The following LCLAT1 variants were observed in gnomAD, a reference collection of about 807,000 sequenced individuals.
LCLAT1 encodes the protein 1-AGP acyltransferase 8.
LCLAT1 carries 11 observed loss-of-function variants against 30.7 expected under a neutral mutation model. The ratio of observed to expected loss-of-function variants is 0.36; its 90% CI spans 0.23 to 0.59. The LOEUF (loss-of-function observed/expected upper bound fraction) is 0.59, where lower values mean the gene tolerates loss of function less well. Among genes scored for constraint, LCLAT1 ranks in the 20% least tolerant of loss-of-function variants. The pLI is 0.77. For synonymous variants in LCLAT1, 155 were observed against 151.3 expected (o/e 1.02, Z -0.18); for missense variants, 402 against 458.6 (o/e 0.88, Z 1.13).
At chr2:30,543,634 G>T (rs1160662444) in intron 3 of LCLAT1, among the ~76,000 whole-genome samples, 1 of 152,006 alleles carries the variant, frequency 6.6e-6, no homozygotes, top group Non-Finnish European at 1.5e-5. Context: ...TAGTTCATCT[G>T]TTTCTTGTAA....
At chr2:30,582,487 T>A (rs898897065) in intron 5 of LCLAT1, among the ~76,000 whole-genome samples, 2 of 152,206 alleles carry the variant, frequency 1.3e-5, no homozygotes, top group African/African-American at 4.8e-5. Context: ...GTATTTGGCT[T>A]ATTTGCTCTC....
chr2:30,459,748 C>G (rs1259875401), intron 1 of LCLAT1: 2 of 1,515,106 alleles, frequency 1.3e-6, no homozygotes, highest in Non-Finnish European at 1.8e-6. Flanking sequence ...GATTTAGATG[C>G]TTGAGGTTTT....
intron 1 of LCLAT1, among the ~76,000 whole-genome samples, chr2:30,500,160 T>C (rs2148340913): frequency 6.6e-6 from 1 of 152,344 alleles, no homozygotes; most frequent in East Asian, 1.9e-4. Flanking sequence ...GAATAAAAAA[T>C]TATTTGATTC....
At position 30,640,330 on chromosome 2, in the gene LCLAT1, A is replaced by T. The variant is rs1228533281; in HGVS notation, c.842A>T (p.Tyr281Phe). 1 of 1,614,202 alleles carries T rather than the reference A, an allele frequency of 6.2e-7. No individual in the cohort carries two copies. Among genetic ancestry groups the T allele is most frequent in the East Asian group, 2.2e-5 (1 of 44,888 alleles). Reference sequence around the variant, plus strand: ...AAAGAAGAGAGGCTGCGTTCCTTCTATCAAGGGGAGAAGAATTTTTATTTT... The same window carrying T: ...AAAGAAGAGAGGCTGCGTTCCTTCTTTCAAGGGGAGAAGAATTTTTATTTT... The part of the protein sequence containing the change: ...EEKEERLRSF[Y>F]QGEKNFYFTG... Residue 281 changes from tyrosine to phenylalanine, a missense_variant, in exon 6 of 6, where the codon TAT becomes TTT. Physicochemically the swap from Tyr to Phe is conservative, Grantham distance 22. Transcript: ENST00000379509.
chr2:30,483,097 A>G (rs2148313789), intron 1 of LCLAT1, among the ~76,000 whole-genome samples: 1 of 152,322 alleles, frequency 6.6e-6, no homozygotes, highest in East Asian at 1.9e-4. Flanking sequence ...ATATTGCTTC[A>G]TTAGTTGTGA....
intron 5 of LCLAT1, among the ~76,000 whole-genome samples, chr2:30,609,542 C>T (rs1478194628): frequency 1.3e-5 from 2 of 152,112 alleles, no homozygotes; most frequent in African/African-American, 2.4e-5. Context: ...TATTCTGATA[C>T]TTGTTTTTCC....
intron 1 of LCLAT1, among the ~76,000 whole-genome samples, chr2:30,490,611 T>C (rs1047021045): frequency 5.3e-5 from 8 of 152,234 alleles, no homozygotes; most frequent in Non-Finnish European, 1.2e-4. Flanking sequence ...GGTTTCTTCA[T>C]CTGTAAAGTA....
intron 2 of LCLAT1, among the ~76,000 whole-genome samples, chr2:30,527,058 A>G (rs1280136427): frequency 2.6e-5 from 4 of 152,200 alleles, no homozygotes; most frequent in African/African-American, 7.2e-5. Context: ...CTATATACAT[A>G]TATTAAGTAA....
intron 3 of LCLAT1, among the ~76,000 whole-genome samples, chr2:30,549,078 G>A (rs943232313): frequency 1.3e-5 from 2 of 152,156 alleles, no homozygotes; most frequent in Admixed American, 1.3e-4. Context: ...TTTTAGGATG[G>A]CATTGAAATC....
intron 1 of LCLAT1, among the ~76,000 whole-genome samples, chr2:30,494,575 C>G (rs1189490654): frequency 6.9e-6 from 1 of 144,976 alleles, no homozygotes; most frequent in Non-Finnish European, 1.5e-5. Context: ...TACACACATG[C>G]ATACGTGCAT....
chr2:30,623,046 A>AT lies in LCLAT1; in HGVS notation c.629-17046dup, dbSNP rs34283582. 5.5e-3 allele frequency among the ~76,000 whole-genome samples: 459 copies of AT among 83,204 alleles called. 10 individuals are homozygous for AT. Among genetic ancestry groups the AT allele is most frequent in the South Asian group, 0.024 (60 of 2,530 alleles). 54.6% of individuals were successfully genotyped at this position (83,204 alleles called of 152,430 possible). On this transcript the variant is annotated intron_variant, in intron 5 of 5. Coordinates refer to ENST00000379509, the MANE Select transcript of LCLAT1 (RefSeq NM_001002257.3). ...AGAAAGGTGAATACCAATTCAAAGAATTTTTTTTTTTTTTTTTTTTTTTTT... is the reference window on the plus strand; with the variant it reads ...AGAAAGGTGAATACCAATTCAAAGAATTTTTTTTTTTTTTTTTTTTTTTTTT...
At chr2:30,513,888 G>A (rs1685056952) in intron 1 of LCLAT1, among the ~76,000 whole-genome samples, 1 of 152,238 alleles carries the variant, frequency 6.6e-6, no homozygotes, top group South Asian at 2.1e-4. Context: ...GTTGATTGAT[G>A]TCTCATGTCT....
rs559029724 is a variant in LCLAT1 at position 30,566,619 on chromosome 2, C to A, written c.512-1441C>A. Among the ~76,000 whole-genome samples the A allele has an allele frequency of 2.0e-5, 3 of 152,118 alleles. No homozygotes were observed. In the East Asian group the frequency reaches 5.8e-4, roughly 29 times the overall value. On this transcript the variant is annotated intron_variant, in intron 4 of 5. Coordinates refer to ENST00000379509, the MANE Select transcript of LCLAT1 (RefSeq NM_001002257.3). ...AAATTTACTCCTAGTAAAGTTGTGT[C>A]GATATAGATATTTTTCTTGTGACTT...
chr2:30,502,196 G>T (rs943706171), intron 1 of LCLAT1, among the ~76,000 whole-genome samples: 4 of 151,940 alleles, frequency 2.6e-5, no homozygotes, highest in African/African-American at 7.3e-5. Context: ...CTAGTTTTTG[G>T]TCCCCTTTTG....
chr2:30,560,285 TGTGTG>T (rs1665141093), intron 3 of LCLAT1, among the ~76,000 whole-genome samples: 1 of 31,342 alleles, frequency 3.2e-5, no homozygotes, highest in Non-Finnish European at 5.8e-5. Flanking sequence ...TAAAGTGTGG[TGTGTG>T]TGTGTGTGTG....
In LCLAT1 at chr2:30,470,266, A is replaced by G. The variant is rs1682708147; in HGVS notation, c.-5+22883A>G. On this transcript the variant is annotated intron_variant, in intron 1 of 5. Transcript: ENST00000379509. ...ATCTATTGGGGTAATCGGGGAAGTT[A>G]CAAGTCTTATGACCACTGGCTAGTG... 3.3e-5 allele frequency among the ~76,000 whole-genome samples: 5 copies of G among 152,334 alleles called. No homozygotes were observed. The South Asian group carries it at 6.2e-4, about 19-fold the overall frequency.
intron 5 of LCLAT1, chr2:30,606,042 G>A: frequency 2.3e-6 from 3 of 1,298,342 alleles, no homozygotes; most frequent in Non-Finnish European, 3.0e-6. Context: ...GGGAAGTAAA[G>A]GACCACTTCA....
At chr2:30,538,160 C>A (rs1663895925) in intron 3 of LCLAT1, among the ~76,000 whole-genome samples, 1 of 152,012 alleles carries the variant, frequency 6.6e-6, no homozygotes, top group Non-Finnish European at 1.5e-5. Flanking sequence ...TAATACACCT[C>A]TATGAACTAG....
At chr2:30,574,949 G>T (rs1312158607) in intron 5 of LCLAT1, among the ~76,000 whole-genome samples, 1 of 152,186 alleles carries the variant, frequency 6.6e-6, no homozygotes, top group Non-Finnish European at 1.5e-5. Flanking sequence ...CGTATCCTCT[G>T]CAATGCTTGC....
Sources: allele counts gnomAD v4.1 joint callset (sites outside exome capture counted in the v4.1 genomes callset), GRCh38; gene constraint gnomAD v4.1.1; transcripts MANE v1.5; gene names NCBI Gene and HGNC (gene_info 2026-07-23, HGNC 2026-07-21).